GRIK2: variants seen among roughly 807,000 people sequenced by gnomAD.
The protein encoded by GRIK2 is glutamate receptor ionotropic, kainate 2.
GRIK2 carries 32 observed loss-of-function variants against 100.3 expected under a neutral mutation model. The observed-to-expected ratio is 0.32, with a 90% CI of 0.24 to 0.43. The LOEUF (loss-of-function observed/expected upper bound fraction) is 0.43. Ranked by LOEUF, GRIK2 falls within the 20% of genes least tolerant of loss-of-function variation. The probability of loss-of-function intolerance (pLI) is 1.00; values close to 1 mark genes in which losing one functional copy is unlikely to be tolerated. For synonymous variants in GRIK2, 417 were observed against 389.4 expected (o/e 1.07, Z -0.83); for missense variants, 843 against 1,114.9 (o/e 0.76, Z 3.47).
intron 7 of GRIK2, among the ~76,000 whole-genome samples, chr6:101,692,421 T>G (rs1170567884): frequency 6.6e-6 from 1 of 152,124 alleles, no homozygotes; most frequent in Non-Finnish European, 1.5e-5. Flanking sequence ...GCACACAGGA[T>G]TTGATACCAG....
rs375157928 is a variant in GRIK2, at chr6:101,888,704, A to G, written c.1525-936A>G. The stretch of plus-strand genomic sequence containing the variant: ...AAGTCCTTTGACATTGCCTGAGACA[A>G]GAAAACATGGAGGGATAATTTCATT... On this transcript the variant is annotated intron_variant, in intron 11 of 16. Coordinates refer to ENST00000369134, the MANE Select transcript of GRIK2 (RefSeq NM_021956.5). 2.3e-4 allele frequency among the ~76,000 whole-genome samples: 35 copies of G among 152,292 alleles called. No homozygotes were observed. In the East Asian group the frequency reaches 6.4e-3, roughly 28 times the overall value.
chr6:101,825,770 A>G (rs907995127), intron 10 of GRIK2, among the ~76,000 whole-genome samples: 3 of 152,108 alleles, frequency 2.0e-5, no homozygotes, highest in African/African-American at 7.2e-5. Flanking sequence ...TGAATTTTGA[A>G]TTCAGCTCAG....
At chr6:101,712,788 T>C (rs1365013320) in intron 7 of GRIK2, among the ~76,000 whole-genome samples, 4 of 151,826 alleles carry the variant, frequency 2.6e-5, no homozygotes, top group Non-Finnish European at 5.9e-5. Context: ...GAATACTGTT[T>C]AGATCTTATT....
At chr6:101,572,388 G>T (rs2128299408) in intron 2 of GRIK2, among the ~76,000 whole-genome samples, 1 of 152,118 alleles carries the variant, frequency 6.6e-6, no homozygotes, top group South Asian at 2.1e-4. Context: ...CAATCATTGT[G>T]ATAACACTAG....
At chr6:101,620,994 T>C (rs1240449522) in intron 2 of GRIK2, among the ~76,000 whole-genome samples, 2 of 152,146 alleles carry the variant, frequency 1.3e-5, no homozygotes, top group African/African-American at 4.8e-5. Flanking sequence ...TGGCCAAAAT[T>C]ATATACTAGT....
intron 6 of GRIK2, among the ~76,000 whole-genome samples, chr6:101,683,549 T>C (rs1771446873): frequency 6.6e-6 from 1 of 152,188 alleles, no homozygotes; most frequent in Admixed American, 6.5e-5. Context: ...AACAGCTGTC[T>C]CTTTACTAAT....
chr6:101,608,560 A>C (rs9498643), intron 2 of GRIK2, among the ~76,000 whole-genome samples: 52,218 of 151,650 alleles, frequency 0.34, 9,306 homozygotes, highest in African/African-American at 0.43. Context: ...CATTATATTT[A>C]TATTAATGCA....
intron 2 of GRIK2, among the ~76,000 whole-genome samples, chr6:101,563,513 T>C (rs954115720): frequency 2.6e-5 from 4 of 152,180 alleles, no homozygotes. Context: ...CTTAGGTACT[T>C]ACATAATTAG....
At chr6:101,843,010 A>G (rs1783607432) in intron 10 of GRIK2, among the ~76,000 whole-genome samples, 1 of 152,192 alleles carries the variant, frequency 6.6e-6, no homozygotes, top group Non-Finnish European at 1.5e-5. Context: ...CTAGTCATTG[A>G]AAACTCCACC....
intron 2 of GRIK2, among the ~76,000 whole-genome samples, chr6:101,572,066 G>A (rs1425701601): frequency 6.6e-6 from 1 of 151,928 alleles, no homozygotes. Flanking sequence ...TCTCAACACT[G>A]TTGATCTTGA....
Position 101,724,622 on chromosome 6 carries a change from T to C in GRIK2, c.951+38269T>C, listed in dbSNP as rs1027307369. The stretch of plus-strand genomic sequence containing the variant: ...ATAGACACCTATGTACAGTCTTTAT[T>C]CACTATTTAAAATAGATTTATGGGA... On this transcript the variant is annotated intron_variant, in intron 7 of 16. Coordinates refer to ENST00000369134, the MANE Select transcript of GRIK2 (RefSeq NM_021956.5). Among the ~76,000 whole-genome samples, 11 of 152,144 alleles carry C rather than the reference T, an allele frequency of 7.2e-5. No homozygotes were observed. In the East Asian group the frequency reaches 1.5e-3, roughly 21 times the overall value.
At chr6:101,781,585 T>TATAC (rs988742620) in intron 7 of GRIK2, among the ~76,000 whole-genome samples, 2 of 152,148 alleles carry the variant, frequency 1.3e-5, no homozygotes, top group African/African-American at 4.8e-5. Context: ...CCCTCTGGTA[T>TATAC]ATACATACAT....
chr6:101,858,403 T>C (rs1237280849), intron 10 of GRIK2, among the ~76,000 whole-genome samples: 3 of 148,272 alleles, frequency 2.0e-5, no homozygotes, highest in Non-Finnish European at 4.5e-5. Context: ...TTTTTTTTTT[T>C]TTGAGACGGA....
rs181643931 is a variant in GRIK2 at position 101,939,739 on chromosome 6, A to G, written c.2085+11107A>G. Among the ~76,000 whole-genome samples, 150 of 152,250 alleles carry G rather than the reference A, an allele frequency of 9.9e-4. 2 individuals carry two copies. The highest frequency in any genetic ancestry group is 3.5e-3 in the African/African-American group (144 of 41,566). ...TTAAATATATCAATTCACATTCTTC[A>G]AGAGTTTTTGTCAGCCTTCTCTTTC... On this transcript the variant is annotated intron_variant, in intron 14 of 16. Coordinates refer to ENST00000369134, the MANE Select transcript of GRIK2 (RefSeq NM_021956.5).
chr6:101,867,795 A>G (rs555498494), intron 11 of GRIK2, among the ~76,000 whole-genome samples: 1 of 151,324 alleles, frequency 6.6e-6, no homozygotes, highest in South Asian at 2.1e-4. Context: ...TTTTGCTGTG[A>G]TGTATTCTGA....
At chr6:101,883,338 C>T (rs182677432) in intron 11 of GRIK2, among the ~76,000 whole-genome samples, 1 of 146,830 alleles carries the variant, frequency 6.8e-6, no homozygotes, top group East Asian at 2.0e-4. Context: ...AAAGGGGGTC[C>T]TGAGGGTAGA....
chr6:101,988,275 T>A (rs1278534081), intron 14 of GRIK2, among the ~76,000 whole-genome samples: 2 of 151,792 alleles, frequency 1.3e-5, no homozygotes, highest in Non-Finnish European at 2.9e-5. Flanking sequence ...CCATTATGAT[T>A]TTGGGGGACT....
intron 9 of GRIK2, among the ~76,000 whole-genome samples, chr6:101,815,724 GC>G (rs1418750647): frequency 6.6e-6 from 1 of 151,716 alleles, no homozygotes; most frequent in Non-Finnish European, 1.5e-5. Flanking sequence ...CATGTTTTTT[GC>G]CATTAAAACA....
chr6:101,969,260 A>G (rs998724138), intron 14 of GRIK2, among the ~76,000 whole-genome samples: 7 of 152,004 alleles, frequency 4.6e-5, no homozygotes, highest in African/African-American at 1.7e-4. Context: ...GCATTTGAAG[A>G]AGAATGTAAC....
Sources: gnomAD v4.1 joint callset for allele counts (sites outside exome capture counted in the v4.1 genomes callset) on GRCh38, gnomAD v4.1.1 for gene constraint, MANE v1.5 for transcripts, NCBI Gene and HGNC (gene_info 2026-07-23, HGNC 2026-07-21) for gene names.